The following SOX6 variants were observed in gnomAD, a reference collection of about 807,000 sequenced individuals.
SOX6 encodes transcription factor SOX-6.
A neutral mutation model predicts 97.8 loss-of-function variants in SOX6; 11 were observed. That is an observed-to-expected ratio of 0.11 (90% CI 0.07 to 0.19). The LOEUF (loss-of-function observed/expected upper bound fraction) is 0.19. SOX6 is among the 10% of genes least tolerant of loss of function. The pLI is 1.00. For synonymous variants in SOX6, 360 were observed against 371.4 expected, an observed-to-expected ratio of 0.97 and a Z score of 0.35; for missense variants, 810 against 1,039.5, an observed-to-expected ratio of 0.78 and a Z score of 3.04.
At chr11:16,433,389 T>TAACA (rs1859307751) in intron 1 of SOX6, among the ~76,000 whole-genome samples, 1 of 152,096 alleles carries the variant, frequency 6.6e-6, no homozygotes, top group South Asian at 2.1e-4. Context: ...ATATGATATG[T>TAACA]AAGACGTTGT....
intron 6 of SOX6, among the ~76,000 whole-genome samples, chr11:16,122,921 T>A (rs1213941547): frequency 6.6e-6 from 1 of 152,124 alleles, no homozygotes; most frequent in African/African-American, 2.4e-5. Context: ...GAGGCAATAG[T>A]ACAAATCTAG....
At chr11:16,061,113 C>G (rs963425035) in intron 9 of SOX6, among the ~76,000 whole-genome samples, 15 of 151,094 alleles carry the variant, frequency 9.9e-5, no homozygotes, top group Non-Finnish European at 1.9e-4. Context: ...AAATAAAAGG[C>G]AAAAAAATTT....
intron 1 of SOX6, among the ~76,000 whole-genome samples, chr11:16,475,443 G>T (rs903194661): frequency 3.3e-5 from 5 of 152,138 alleles, no homozygotes; most frequent in Non-Finnish European, 7.3e-5. Context: ...TCATTGTAGG[G>T]TTATTAATTG....
chr11:16,334,227 TTA>T (rs1450793929), intron 2 of SOX6, among the ~76,000 whole-genome samples: 1 of 152,154 alleles, frequency 6.6e-6, no homozygotes, highest in African/African-American at 2.4e-5. Flanking sequence ...CGATTTTCAT[TTA>T]TCTGTCAAAA....
intron 1 of SOX6, among the ~76,000 whole-genome samples, chr11:16,432,346 C>A (rs115545423): frequency 5.3e-5 from 8 of 152,074 alleles, no homozygotes; most frequent in Admixed American, 4.6e-4. Flanking sequence ...AAGTTAATTA[C>A]AGTCAAAAGT....
intron 9 of SOX6, among the ~76,000 whole-genome samples, chr11:16,092,000 T>C (rs1006463952): frequency 3.7e-4 from 57 of 152,190 alleles, no homozygotes; most frequent in African/African-American, 1.3e-3. Context: ...TGTTTTTTTC[T>C]GGTGATTCAG....
intron 2 of SOX6, among the ~76,000 whole-genome samples, chr11:16,340,285 A>G (rs1856588915): frequency 6.6e-6 from 1 of 152,048 alleles, no homozygotes; most frequent in Non-Finnish European, 1.5e-5. Context: ...CTAATAAAAT[A>G]TATTAACATT....
chr11:16,709,517 CA>C (rs1013121894), intron 3 of SOX6, among the ~76,000 whole-genome samples: 21 of 143,808 alleles, frequency 1.5e-4, no homozygotes, highest in Admixed American at 2.8e-4. Context: ...GACTGTGTCT[CA>C]AAAAAAAAAG....
intron 12 of SOX6, among the ~76,000 whole-genome samples, chr11:16,016,754 C>T (rs1195682085): frequency 2.0e-5 from 3 of 152,030 alleles, no homozygotes; most frequent in Non-Finnish European, 2.9e-5. Flanking sequence ...AAATATTCAA[C>T]CTTTGTTTTA....
intron 3 of SOX6, among the ~76,000 whole-genome samples, chr11:16,640,614 C>G (rs1300244418): frequency 6.6e-6 from 1 of 152,112 alleles, no homozygotes; most frequent in Non-Finnish European, 1.5e-5. Flanking sequence ...GTCAGAGATT[C>G]AACTTCTTCC....
intron 4 of SOX6, among the ~76,000 whole-genome samples, chr11:16,560,162 A>C (rs546096652): frequency 6.6e-6 from 1 of 152,264 alleles, no homozygotes; most frequent in East Asian, 1.9e-4. Context: ...TGCATTCCTA[A>C]GTGTTATGGT....
intron 3 of SOX6, among the ~76,000 whole-genome samples, chr11:16,672,269 C>G (rs1847852672): frequency 6.6e-6 from 1 of 152,220 alleles, no homozygotes; most frequent in Non-Finnish European, 1.5e-5. Context: ...GCTAACAACA[C>G]AATGACAGGA....
intron 3 of SOX6, among the ~76,000 whole-genome samples, chr11:16,647,497 T>C (rs1367079590): frequency 1.3e-5 from 2 of 152,158 alleles, no homozygotes; most frequent in Non-Finnish European, 2.9e-5. Flanking sequence ...AGATGGCATA[T>C]AGGAGACAGG....
chr11:16,517,421 T>C (rs1164227558), intron 4 of SOX6, among the ~76,000 whole-genome samples: 1 of 152,174 alleles, frequency 6.6e-6, no homozygotes, highest in Non-Finnish European at 1.5e-5. Flanking sequence ...ATTGTATATC[T>C]AGAAAACCCC....
chr11:16,501,833 C>G (rs987081787), intron 4 of SOX6, among the ~76,000 whole-genome samples: 8 of 152,050 alleles, frequency 5.3e-5, no homozygotes, highest in South Asian at 2.1e-4. Flanking sequence ...AGAGGATGTG[C>G]AGAAATAGAA....
At chr11:16,640,708 A>G (rs1339001028) in intron 3 of SOX6, among the ~76,000 whole-genome samples, 2 of 152,132 alleles carry the variant, frequency 1.3e-5, no homozygotes, top group Admixed American at 6.6e-5. Flanking sequence ...AGAGGTGTTT[A>G]TAGTATTCTC....
At chr11:16,676,719 A>G (rs1590048259) in intron 3 of SOX6, among the ~76,000 whole-genome samples, 1 of 152,288 alleles carries the variant, frequency 6.6e-6, no homozygotes, top group Middle Eastern at 3.4e-3. Flanking sequence ...AATCAACACA[A>G]ATCAAACAAC....
intron 6 of SOX6, among the ~76,000 whole-genome samples, chr11:16,155,222 A>AAG (rs1850566390): frequency 6.6e-6 from 1 of 152,144 alleles, no homozygotes; most frequent in African/African-American, 2.4e-5. Context: ...TTCTCATAGA[A>AAG]AGAGAGGCAG....
chr11:16,239,411 G>A (rs1590055056), intron 3 of SOX6, among the ~76,000 whole-genome samples: 1 of 152,158 alleles, frequency 6.6e-6, no homozygotes, highest in Admixed American at 6.6e-5. Flanking sequence ...ACGCTGGGAA[G>A]CTGACAGAAA....
Sources: allele counts gnomAD v4.1 joint callset (sites outside exome capture counted in the v4.1 genomes callset), GRCh38; gene constraint gnomAD v4.1.1; transcripts MANE v1.5; gene names NCBI Gene and HGNC (gene_info 2026-07-23, HGNC 2026-07-21).